MBD5: variants seen among roughly 807,000 people sequenced by gnomAD.
MBD5 encodes the protein methyl-CpG-binding domain protein 5.
A neutral mutation model predicts 117.3 loss-of-function variants in MBD5; 13 were observed. The observed-to-expected ratio is 0.11, with a 90% confidence interval of 0.07 to 0.18. The LOEUF (loss-of-function observed/expected upper bound fraction) is 0.18. Ranked by LOEUF, MBD5 falls within the 10% of genes least tolerant of loss-of-function variation. The pLI is 1.00. For missense variants in MBD5, 1,879 were observed against 2,093.8 expected (o/e 0.90, Z 2.00); for synonymous variants, 727 against 766.4 (o/e 0.95, Z 0.85).
chr2:148,278,981 C>G (rs1018731606), intron 3 of MBD5, among the ~76,000 whole-genome samples: 3 of 152,170 alleles, frequency 2.0e-5, no homozygotes, highest in African/African-American at 7.2e-5. Context: ...AAAAATTGCC[C>G]TTCCTGCAGT....
At chr2:148,037,996 A>G (rs2105649949) in intron 1 of MBD5, among the ~76,000 whole-genome samples, 1 of 152,110 alleles carries the variant, frequency 6.6e-6, no homozygotes, top group Admixed American at 6.5e-5. Context: ...GGTGATAATA[A>G]TAAAAGCATT....
intron 4 of MBD5, among the ~76,000 whole-genome samples, chr2:148,347,936 AG>A (rs1268385481): frequency 6.6e-6 from 1 of 151,878 alleles, no homozygotes; most frequent in Non-Finnish European, 1.5e-5. Flanking sequence ...CTCATCCCTC[AG>A]GTTTCAATGA....
In MBD5 at chr2:148,420,948, T is replaced by A. The variant is rs575442811; in HGVS notation, c.-556-37255T>A. ...TTTGCCATTTTGCCGAGGCTGGTCT[T>A]GAATTCCTGGGCTCAAGTGATCCAC... On this transcript the variant is annotated intron_variant, in intron 4 of 13. Coordinates refer to ENST00000642680, the MANE Select transcript of MBD5 (RefSeq NM_001378120.1). Among the ~76,000 whole-genome samples, 19 of 152,254 alleles carry A rather than the reference T, an allele frequency of 1.2e-4. 1 individual carries two copies. Among genetic ancestry groups the A allele is most frequent in the African/African-American group, 4.3e-4 (18 of 41,560 alleles).
chr2:148,163,845 TTGAGATAAAAAC>T (rs1338116674), intron 1 of MBD5, among the ~76,000 whole-genome samples: 2 of 152,090 alleles, frequency 1.3e-5, no homozygotes, highest in Non-Finnish European at 2.9e-5. Context: ...TAAAGTTGAG[TTGAGATAAAAAC>T]TGAGATAAAA....
chr2:148,492,054 G>A (rs1681542871), intron 11 of MBD5, among the ~76,000 whole-genome samples: 1 of 151,598 alleles, frequency 6.6e-6, no homozygotes. Context: ...GCCCTTAGGA[G>A]AATAAAGGCA....
chr2:148,419,048 C>G (rs1705514534), intron 4 of MBD5, among the ~76,000 whole-genome samples: 1 of 152,022 alleles, frequency 6.6e-6, no homozygotes, highest in African/African-American at 2.4e-5. Context: ...ACCAATGGAA[C>G]AGAATAGAGA....
At chr2:148,353,980 C>G (rs150860869) in intron 4 of MBD5, among the ~76,000 whole-genome samples, 98 of 152,214 alleles carry the variant, frequency 6.4e-4, no homozygotes, top group African/African-American at 2.0e-3. Context: ...TGATTGCCCT[C>G]ATCAGATGAG....
intron 1 of MBD5, among the ~76,000 whole-genome samples, chr2:148,147,977 C>T (rs1387421829): frequency 6.6e-6 from 1 of 152,108 alleles, no homozygotes; most frequent in Non-Finnish European, 1.5e-5. Flanking sequence ...ATATGTTAGT[C>T]GTTTTTGTAG....
chr2:148,175,244 A>G (rs1698356622), intron 1 of MBD5, among the ~76,000 whole-genome samples: 1 of 152,188 alleles, frequency 6.6e-6, no homozygotes, highest in Admixed American at 6.5e-5. Flanking sequence ...TATTGTGAAA[A>G]TACAACAAAA....
chr2:148,082,186 C>T (rs1052300801), intron 1 of MBD5, among the ~76,000 whole-genome samples: 3 of 152,138 alleles, frequency 2.0e-5, no homozygotes, highest in African/African-American at 7.2e-5. Flanking sequence ...CACACCTTTC[C>T]ACAATTTTAG....
At chr2:148,031,270 CAT>C (rs773847372) in intron 1 of MBD5, among the ~76,000 whole-genome samples, 3 of 151,936 alleles carry the variant, frequency 2.0e-5, no homozygotes, top group Non-Finnish European at 4.4e-5. Flanking sequence ...GTGACTGAAA[CAT>C]GTACTTGAAA....
chr2:148,490,133 A>G lies in MBD5; in HGVS notation c.4501A>G (p.Asn1501Asp). The change falls in exon 11 of 14, where the codon AAC becomes GAC. Residue 1501 changes from asparagine (N) to aspartate (D), a missense_variant. Around this residue, in one of 4 missense-constraint regions of MBD5, gnomAD observed 1,666 missense variants for 1,792.2 expected, o/e 0.93. Transcript: ENST00000642680. ...KILEENFRYN[N>D]YKRTMMSFKE... The stretch of plus-strand genomic sequence containing the variant: ...TCTAGAGGAAAATTTCAGGTATAAT[A>G]ACTACAAAAGAACTATGATGAGTTT... 6.2e-7 allele frequency: 1 copy of G among 1,614,074 alleles called. No homozygotes were observed. The highest frequency in any genetic ancestry group is 8.5e-7 in the Non-Finnish European group (1 of 1,180,014).
intron 3 of MBD5, among the ~76,000 whole-genome samples, chr2:148,303,327 G>A (rs1396025419): frequency 6.6e-6 from 1 of 152,200 alleles, no homozygotes. Context: ...CAAAGGCACA[G>A]CATTTGGTTG....
chr2:148,495,599 T>C (rs1681675251), intron 11 of MBD5, among the ~76,000 whole-genome samples: 3 of 152,214 alleles, frequency 2.0e-5, no homozygotes, highest in Admixed American at 1.3e-4. Context: ...CTTGGACAGA[T>C]ACAGAGACAC....
intron 2 of MBD5, among the ~76,000 whole-genome samples, chr2:148,208,936 A>G: frequency 6.6e-6 from 1 of 152,142 alleles, no homozygotes; most frequent in East Asian, 1.9e-4. Context: ...AATTGTCTCT[A>G]GTTATGTTTT....
intron 3 of MBD5, among the ~76,000 whole-genome samples, chr2:148,302,231 A>G (rs1701789994): frequency 6.6e-6 from 1 of 152,206 alleles, no homozygotes; most frequent in African/African-American, 2.4e-5. Context: ...GGAGGTGGGA[A>G]AATACTGGTG....
intron 1 of MBD5, among the ~76,000 whole-genome samples, chr2:148,114,033 A>G (rs1436923662): frequency 2.0e-5 from 3 of 152,158 alleles, no homozygotes; most frequent in Non-Finnish European, 4.4e-5. Context: ...TGGCTGTATA[A>G]TATTGTGTAG....
intron 3 of MBD5, among the ~76,000 whole-genome samples, chr2:148,317,990 T>C (rs78599282): frequency 0.2 from 30,919 of 152,166 alleles, 3,278 homozygotes; most frequent in African/African-American, 0.21. Flanking sequence ...ATTGCTAGGT[T>C]GAATTGTAGT....
At chr2:148,345,484 CATATGTATATACACATACAT>C (rs1559033218) in intron 4 of MBD5, among the ~76,000 whole-genome samples, 2 of 76,512 alleles carry the variant, frequency 2.6e-5, no homozygotes, top group Non-Finnish European at 5.7e-5. Context: ...CATACATATA[CATATGTATATACACATACAT>C]ATACATATGT....
Sources: allele counts gnomAD v4.1 joint callset (sites outside exome capture counted in the v4.1 genomes callset), GRCh38; gene constraint gnomAD v4.1.1; regional missense constraint gnomAD v4.1.1; transcripts MANE v1.5; gene names NCBI Gene and HGNC (gene_info 2026-07-23, HGNC 2026-07-21).